TTC28: variants seen among roughly 807,000 people sequenced by gnomAD.
The protein encoded by TTC28 is tetratricopeptide repeat domain 28.
A neutral mutation model predicts 198.0 loss-of-function variants in TTC28; 61 were observed. The ratio of observed to expected loss-of-function variants is 0.31; its 90% CI spans 0.25 to 0.38. TTC28 has a LOEUF of 0.38. Ranked by LOEUF, TTC28 falls within the 10% of genes least tolerant of loss-of-function variation. The pLI is 1.00. For synonymous variants in TTC28, 1,171 were observed against 1,297.8 expected, an observed-to-expected ratio of 0.90 and a Z score of 2.10; for missense variants, 2,678 against 3,164.0, an observed-to-expected ratio of 0.85 and a Z score of 3.69.
intron 2 of TTC28, among the ~76,000 whole-genome samples, chr22:28,326,134 G>A (rs1350636484): frequency 1.3e-5 from 2 of 152,040 alleles, no homozygotes; most frequent in African/African-American, 4.8e-5. Flanking sequence ...TCCATACAAT[G>A]AAACACAAGT....
intron 5 of TTC28, among the ~76,000 whole-genome samples, chr22:28,176,232 T>G (rs1003580629): frequency 2.6e-5 from 4 of 152,080 alleles, no homozygotes; most frequent in African/African-American, 7.2e-5. Flanking sequence ...GATTCAATAA[T>G]AAGAAGACTA....
intron 5 of TTC28, among the ~76,000 whole-genome samples, chr22:28,264,335 T>C (rs545721567): frequency 1.3e-5 from 2 of 152,296 alleles, no homozygotes; most frequent in Admixed American, 6.5e-5. Flanking sequence ...TCCCCAGCCA[T>C]GTGGAACTGT....
At chr22:28,658,702 T>C (rs1216992318) in intron 1 of TTC28, among the ~76,000 whole-genome samples, 1 of 152,170 alleles carries the variant, frequency 6.6e-6, no homozygotes, top group African/African-American at 2.4e-5. Context: ...CATTTTACAA[T>C]TTAAAAATTG....
intron 6 of TTC28, among the ~76,000 whole-genome samples, chr22:28,122,391 T>C (rs919728293): frequency 6.6e-6 from 1 of 152,198 alleles, no homozygotes; most frequent in African/African-American, 2.4e-5. Context: ...AAGCCCTTAT[T>C]TATTTAAACC....
chr22:28,326,977 CA>C (rs2045541912), intron 2 of TTC28, among the ~76,000 whole-genome samples: 1 of 18,490 alleles, frequency 5.4e-5, no homozygotes, highest in Admixed American at 6.6e-4. Flanking sequence ...CAAACACAAA[CA>C]CACACACACA....
At chr22:28,646,036 A>G (rs1228754773) in intron 1 of TTC28, among the ~76,000 whole-genome samples, 1 of 152,122 alleles carries the variant, frequency 6.6e-6, no homozygotes, top group Non-Finnish European at 1.5e-5. Context: ...CATTTTCACC[A>G]GTTCTATTCA....
intron 2 of TTC28, among the ~76,000 whole-genome samples, chr22:28,402,367 T>C (rs746001375): frequency 2.6e-4 from 40 of 152,196 alleles, no homozygotes; most frequent in Admixed American, 1.1e-3. Context: ...TCACTAAAAG[T>C]CCTGTGGTGG....
At chr22:28,568,759 A>C (rs568463195) in intron 2 of TTC28, among the ~76,000 whole-genome samples, 13 of 152,236 alleles carry the variant, frequency 8.5e-5, no homozygotes, top group Non-Finnish European at 1.9e-4. Flanking sequence ...GATACTGTTA[A>C]AATGGTCATA....
chr22:28,223,159 T>G (rs1488236211), intron 5 of TTC28, among the ~76,000 whole-genome samples: 1 of 152,198 alleles, frequency 6.6e-6, no homozygotes, highest in Admixed American at 6.5e-5. Flanking sequence ...GCCAGCATGT[T>G]GTGCAGCATC....
chr22:28,067,005 C>T (rs1940781472), intron 12 of TTC28, among the ~76,000 whole-genome samples: 1 of 152,194 alleles, frequency 6.6e-6, no homozygotes, highest in Non-Finnish European at 1.5e-5. Context: ...TGACTGAGCC[C>T]TCCCTAAAGT....
chr22:28,047,072 T>C (rs1480998168), intron 12 of TTC28, among the ~76,000 whole-genome samples: 1 of 151,840 alleles, frequency 6.6e-6, no homozygotes, highest in Non-Finnish European at 1.5e-5. Context: ...TTGGAGAGAG[T>C]TACCACCATA....
At chr22:28,038,542 G>GT (rs1939462646) in intron 12 of TTC28, among the ~76,000 whole-genome samples, 1 of 152,188 alleles carries the variant, frequency 6.6e-6, no homozygotes, top group South Asian at 2.1e-4. Flanking sequence ...AGACTTAAAT[G>GT]TTAGACCGAA....
Position 28,297,064 on chromosome 22 carries a change from C to T in TTC28, c.802+516G>A, listed in dbSNP as rs577499000. Among the ~76,000 whole-genome samples, 3 of 152,302 alleles carry T rather than the reference C, an allele frequency of 2.0e-5. No homozygotes were observed. In the South Asian group the frequency reaches 6.2e-4, roughly 32 times the overall value. On this transcript the variant is annotated intron_variant, in intron 4 of 22. Coordinates refer to ENST00000397906, the MANE Select transcript of TTC28 (RefSeq NM_001145418.2). The stretch of plus-strand genomic sequence containing the variant: ...GTTATCATTTGACATATTTTGTAAG[C>T]CCAAATCCCTGAAGAGGGCAATGAG...
At chr22:28,025,410 G>T (rs553874923) in intron 13 of TTC28, among the ~76,000 whole-genome samples, 5 of 152,318 alleles carry the variant, frequency 3.3e-5, no homozygotes, top group Admixed American at 3.3e-4. Context: ...ATCAAGGTCT[G>T]GCTGGCCCCA....
intron 12 of TTC28, among the ~76,000 whole-genome samples, chr22:28,055,460 T>C (rs1440676056): frequency 6.6e-6 from 1 of 152,142 alleles, no homozygotes; most frequent in African/African-American, 2.4e-5. Context: ...GTTCTGAAGT[T>C]AAAGAAGTCA....
At chr22:28,646,525 T>C (rs1051162578) in intron 1 of TTC28, among the ~76,000 whole-genome samples, 1 of 152,174 alleles carries the variant, frequency 6.6e-6, no homozygotes. Context: ...AGGATACCAA[T>C]GTCATTTTTC....
At chr22:28,338,305 AC>A (rs1476221715) in intron 2 of TTC28, among the ~76,000 whole-genome samples, 7 of 152,046 alleles carry the variant, frequency 4.6e-5, no homozygotes, top group Non-Finnish European at 8.8e-5. Flanking sequence ...GGTGAATCTG[AC>A]AATTATGTGT....
At chr22:28,201,270 T>TG (rs1925915477) in intron 5 of TTC28, among the ~76,000 whole-genome samples, 1 of 152,176 alleles carries the variant, frequency 6.6e-6, no homozygotes, top group South Asian at 2.1e-4. Context: ...CAGATATAAG[T>TG]GACCATGATG....
intron 2 of TTC28, among the ~76,000 whole-genome samples, chr22:28,425,169 A>G (rs2047329768): frequency 6.6e-6 from 1 of 152,208 alleles, no homozygotes; most frequent in Non-Finnish European, 1.5e-5. Context: ...AACTAACATA[A>G]AAAGTATCAG....
Sources: gnomAD v4.1 joint callset for allele counts (sites outside exome capture counted in the v4.1 genomes callset) on GRCh38, gnomAD v4.1.1 for gene constraint, MANE v1.5 for transcripts, NCBI Gene and HGNC (gene_info 2026-07-23, HGNC 2026-07-21) for gene names.